EPB41L3: variants seen among roughly 807,000 people sequenced by gnomAD.
EPB41L3 encodes the protein band 4.1-like protein 3.
EPB41L3 carries 57 observed loss-of-function variants against 127.1 expected under a neutral mutation model. The observed-to-expected ratio is 0.45, with a 90% confidence interval of 0.36 to 0.56. The LOEUF (loss-of-function observed/expected upper bound fraction) is 0.56. Ranked by LOEUF, EPB41L3 falls within the 20% of genes least tolerant of loss-of-function variation. The pLI is 0.00. For synonymous variants in EPB41L3, 572 were observed against 549.5 expected (o/e 1.04, Z -0.57); for missense variants, 1,273 against 1,372.2 (o/e 0.93, Z 1.14).
chr18:5,415,720 T>C, intron 13 of EPB41L3, 98 bp downstream of exon 13: 1 of 1,259,070 alleles, frequency 7.9e-7, no homozygotes, highest in Non-Finnish European at 1.1e-6. Flanking sequence ...TAAATGAGGC[T>C]CTGAAAGTAG....
At chr18:5,433,017 C>T (rs1598867655) in intron 8 of EPB41L3, among the ~76,000 whole-genome samples, 1 of 152,094 alleles carries the variant, frequency 6.6e-6, no homozygotes, top group African/African-American at 2.4e-5. Context: ...CGGCTGAGTT[C>T]GGACAGACAG....
intron 5 of EPB41L3, among the ~76,000 whole-genome samples, chr18:5,441,946 C>T (rs1000135823): frequency 3.9e-5 from 6 of 152,010 alleles, no homozygotes; most frequent in Non-Finnish European, 7.4e-5. Context: ...TGGTAGAAGA[C>T]ACTATAAATG....
chr18:5,488,981 G>C lies in EPB41L3; in HGVS notation c.183+20C>G, dbSNP rs574345754. The C allele has an allele frequency of 6.4e-7, 1 of 1,566,566 alleles. No individual in the cohort carries two copies. Among genetic ancestry groups the C allele is most frequent in the South Asian group, 1.2e-5 (1 of 86,878 alleles). On this transcript the variant is annotated intron_variant, in intron 2 of 22. Coordinates refer to ENST00000341928, the MANE Select transcript of EPB41L3 (RefSeq NM_012307.5). ...CAGCTCAGCAAACACTGCGTCATTA[G>C]TTTTCTGGCCTGGGCTCACCTCCCT...
intron 3 of EPB41L3, among the ~76,000 whole-genome samples, chr18:5,600,744 T>C (rs2094582024): frequency 1.3e-5 from 2 of 152,142 alleles, no homozygotes; most frequent in African/African-American, 4.8e-5. Context: ...ATTAAAACCA[T>C]TAAAATGAAT....
intron 3 of EPB41L3, among the ~76,000 whole-genome samples, chr18:5,468,241 C>A (rs1469570706): frequency 1.3e-5 from 2 of 152,138 alleles, no homozygotes; most frequent in Non-Finnish European, 2.9e-5. Flanking sequence ...ATAGCCTGGG[C>A]ACCCTGGATG....
chr18:5,450,266 C>T (rs749977605), intron 3 of EPB41L3, among the ~76,000 whole-genome samples: 6 of 152,058 alleles, frequency 3.9e-5, no homozygotes, highest in African/African-American at 1.2e-4. Flanking sequence ...AAATGGTGAA[C>T]GCATGACATT....
intron 4 of EPB41L3, among the ~76,000 whole-genome samples, chr18:5,444,084 T>C (rs2081149839): frequency 1.3e-5 from 2 of 152,338 alleles, no homozygotes; most frequent in East Asian, 3.9e-4. Flanking sequence ...AAAATGCACA[T>C]GTATGCAGTT....
At chr18:5,445,859 G>C (rs1042994678) in intron 3 of EPB41L3, among the ~76,000 whole-genome samples, 4 of 152,166 alleles carry the variant, frequency 2.6e-5, no homozygotes, top group Non-Finnish European at 2.9e-5. Flanking sequence ...AAGGATCTAG[G>C]TTGCGCGCTC....
At chr18:5,518,965 C>T (rs1194425106) in intron 1 of EPB41L3, among the ~76,000 whole-genome samples, 1 of 152,168 alleles carries the variant, frequency 6.6e-6, no homozygotes, top group Non-Finnish European at 1.5e-5. Context: ...GTGTCTGAAT[C>T]CGTCTGTTTG....
At chr18:5,428,186 T>C in intron 9 of EPB41L3, 127 bp downstream of exon 9, 1 of 1,045,624 alleles carries the variant, frequency 9.6e-7, no homozygotes, top group East Asian at 2.4e-5. Flanking sequence ...CAATAAACTC[T>C]CTCAGGCACT....
intron 3 of EPB41L3, among the ~76,000 whole-genome samples, chr18:5,458,537 T>C (rs1189152310): frequency 6.6e-6 from 1 of 152,188 alleles, no homozygotes; most frequent in African/African-American, 2.4e-5. Context: ...ATCTGATGAA[T>C]GCAGACAGCA....
chr18:5,435,378 C>T (rs1284035888), intron 6 of EPB41L3, among the ~76,000 whole-genome samples: 1 of 152,190 alleles, frequency 6.6e-6, no homozygotes, highest in South Asian at 2.1e-4. Context: ...ACTTCCCGTC[C>T]TGCACGCGCC....
At chr18:5,606,386 C>G (rs1292596912) in intron 3 of EPB41L3, among the ~76,000 whole-genome samples, 1 of 151,850 alleles carries the variant, frequency 6.6e-6, no homozygotes, top group Non-Finnish European at 1.5e-5. Flanking sequence ...TTGAACATCT[C>G]ATTCTATTTT....
chr18:5,579,666 C>T (rs1176033911), intron 3 of EPB41L3, among the ~76,000 whole-genome samples: 1 of 152,170 alleles, frequency 6.6e-6, no homozygotes, highest in African/African-American at 2.4e-5. Flanking sequence ...GATGAGTGAC[C>T]TTGTCTATAG....
At chr18:5,445,999 C>T (rs986722047) in intron 3 of EPB41L3, among the ~76,000 whole-genome samples, 4 of 152,052 alleles carry the variant, frequency 2.6e-5, no homozygotes, top group Admixed American at 1.3e-4. Context: ...GGTTGGGGAC[C>T]GCAGCTCTAT....
At chr18:5,479,464 T>C (rs2087961324) in intron 2 of EPB41L3, among the ~76,000 whole-genome samples, 1 of 152,250 alleles carries the variant, frequency 6.6e-6, no homozygotes, top group Admixed American at 6.5e-5. Context: ...AATTTTTCTA[T>C]TAGCCTCTAC....
At chr18:5,420,630 T>C (rs1316785815) in intron 11 of EPB41L3, among the ~76,000 whole-genome samples, 1 of 152,206 alleles carries the variant, frequency 6.6e-6, no homozygotes, top group East Asian at 1.9e-4. Flanking sequence ...TTCATGCAAA[T>C]GCAAAACATG....
intron 3 of EPB41L3, among the ~76,000 whole-genome samples, chr18:5,608,173 T>A (rs1169020820): frequency 6.6e-6 from 1 of 151,922 alleles, no homozygotes; most frequent in Non-Finnish European, 1.5e-5. Context: ...GACAAAGCAA[T>A]CGGGATGGTG....
rs368363321 is a variant in EPB41L3, at chr18:5,410,526, C to T, written c.2121+40G>A. The T allele has an allele frequency of 4.5e-5, 68 of 1,528,030 alleles. 1 individual carries two copies. The African/African-American group carries it at 4.5e-4, about 10-fold the overall frequency. 94.7% of individuals were successfully genotyped at this position (1,528,030 alleles called of 1,614,324 possible). ...ACAGAGCCACCCCACAAGGCATTTT[C>T]GGTATGCCACTACCAGCCACTCTCA... On this transcript the variant is annotated intron_variant, in intron 14 of 22. Coordinates refer to ENST00000341928, the MANE Select transcript of EPB41L3 (RefSeq NM_012307.5).
Sources: gnomAD v4.1 joint callset for allele counts (sites outside exome capture counted in the v4.1 genomes callset) on GRCh38, gnomAD v4.1.1 for gene constraint, MANE v1.5 for transcripts, NCBI Gene and HGNC (gene_info 2026-07-23, HGNC 2026-07-21) for gene names.